SERPINE2: variants seen among roughly 807,000 people sequenced by gnomAD.
SERPINE2 encodes the protein serpin family E member 2, also known as glia-derived nexin.
SERPINE2 carries 14 observed loss-of-function variants against 36.3 expected under a neutral mutation model. The observed-to-expected ratio is 0.39, with a 90% CI of 0.25 to 0.60. SERPINE2 has a LOEUF of 0.60. Among genes scored for constraint, SERPINE2 ranks in the 20% least tolerant of loss-of-function variants. The pLI is 0.57. For synonymous variants in SERPINE2, 192 were observed against 191.8 expected (o/e 1.00, Z -0.01); for missense variants, 418 against 499.6 (o/e 0.84, Z 1.56).
chr2:224,030,810 G>T, intron 1 of SERPINE2: 1 of 254,872 alleles, frequency 3.9e-6, no homozygotes, highest in Non-Finnish European at 6.2e-6. Context: ...ATTCTGCTGA[G>T]TTTTATCCAG....
intron 1 of SERPINE2, among the ~76,000 whole-genome samples, chr2:224,014,662 T>A (rs1459835614): frequency 1.3e-5 from 2 of 152,284 alleles, no homozygotes; most frequent in East Asian, 3.9e-4. Context: ...AGGAAACCCA[T>A]ATCCACCTGA....
chr2:224,001,781 A>C lies in SERPINE2; in HGVS notation c.120T>G (p.Asn40Lys). Residue 40 changes from asparagine (N) to lysine (K), a missense_variant, in exon 2 of 9, where the codon AAT becomes AAG. Asn to Lys is a moderately conservative substitution (Grantham distance 94, BLOSUM62 0). Coordinates refer to ENST00000409304, the MANE Select transcript of SERPINE2 (RefSeq NM_001136528.2). ...CATGAGGCCTCGACTTCACAATCTGATTGAAAACCTGGATCCCCGTGTTGG... is the reference window on the plus strand; with the variant it reads ...CATGAGGCCTCGACTTCACAATCTGCTTGAAAACCTGGATCCCCGTGTTGG... ...LGSNTGIQVF[N>K]QIVKSRPHDN... 1 of 1,614,046 alleles carries C rather than the reference A, an allele frequency of 6.2e-7. No individual in the cohort carries two copies. The highest frequency in any genetic ancestry group is 8.5e-7 in the Non-Finnish European group (1 of 1,180,028).
intron 1 of SERPINE2, among the ~76,000 whole-genome samples, chr2:224,026,486 G>A (rs780174188): frequency 7.9e-5 from 12 of 152,096 alleles, no homozygotes; most frequent in African/African-American, 1.2e-4. Flanking sequence ...AATTTCAGGC[G>A]AATTTGCCTT....
In SERPINE2 at chr2:224,035,379, G is replaced by GTTTTTTGTT. The variant is rs1553552089; in HGVS notation, c.-23+3719_-23+3720insAACAAAAAA. 1.1e-4 allele frequency among the ~76,000 whole-genome samples: 16 copies of GTTTTTTGTT among 150,626 alleles called. No individual in the cohort carries two copies. The East Asian group carries it at 2.7e-3, about 26-fold the overall frequency. Reference sequence around the variant, plus strand: ...AAGCTTCCTATTCCAGGTTTTTTTTGTTTTGTTTTTGTTTTTGTTTTGAGA... The same window carrying GTTTTTTGTT: ...AAGCTTCCTATTCCAGGTTTTTTTTGTTTTTTGTTTTTTGTTTTTGTTTTTGTTTTGAGA... On this transcript the variant is annotated intron_variant, in intron 1 of 8. Coordinates refer to ENST00000409304, the MANE Select transcript of SERPINE2 (RefSeq NM_001136528.2).
At chr2:224,007,420 C>A (rs1035045694) in intron 1 of SERPINE2, among the ~76,000 whole-genome samples, 6 of 152,148 alleles carry the variant, frequency 3.9e-5, no homozygotes, top group Non-Finnish European at 7.4e-5. Context: ...AATACTCCCC[C>A]CCATACTCAA....
At chr2:224,029,471 A>G (rs1692287875) in intron 1 of SERPINE2, among the ~76,000 whole-genome samples, 1 of 152,242 alleles carries the variant, frequency 6.6e-6, no homozygotes. Context: ...ACTCTTTTGC[A>G]TATTGACGGA....
In SERPINE2 at chr2:224,027,431, G is replaced by C. The variant is rs1017355165; in HGVS notation, c.-23+11668C>G. Among the ~76,000 whole-genome samples, 9 of 152,208 alleles carry C rather than the reference G, an allele frequency of 5.9e-5. No individual in the cohort carries two copies. In the East Asian group the frequency reaches 1.7e-3, roughly 29 times the overall value. On this transcript the variant is annotated intron_variant, in intron 1 of 8. Transcript: ENST00000409304. ...GTCCTAACTGAGAGGGAGGGGAGGG[G>C]ACTTCCACGCAGCCTTCCCCAACAG...
intron 1 of SERPINE2, among the ~76,000 whole-genome samples, chr2:224,025,260 G>C (rs1236025835): frequency 1.3e-5 from 2 of 152,180 alleles, no homozygotes; most frequent in African/African-American, 4.8e-5. Context: ...TTCCCTCAGA[G>C]TGCAGGATTG....
chr2:223,990,939 C>A (rs938706052), intron 4 of SERPINE2, among the ~76,000 whole-genome samples: 13 of 152,202 alleles, frequency 8.5e-5, no homozygotes, highest in African/African-American at 3.1e-4. Context: ...GTTTGTGCCA[C>A]TGTAGTCTAG....
chr2:224,036,642 TAAAA>T (rs59322455), intron 1 of SERPINE2, among the ~76,000 whole-genome samples: 2 of 142,680 alleles, frequency 1.4e-5, no homozygotes, highest in South Asian at 2.3e-4. Flanking sequence ...TAATAAAAAT[TAAAA>T]AAAAAAAAAA....
At chr2:224,005,771 C>T (rs1691399308) in intron 1 of SERPINE2, among the ~76,000 whole-genome samples, 1 of 152,074 alleles carries the variant, frequency 6.6e-6, no homozygotes, top group Non-Finnish European at 1.5e-5. Flanking sequence ...GAGTGCTGCC[C>T]AAATGTACTG....
intron 2 of SERPINE2, among the ~76,000 whole-genome samples, chr2:223,998,634 G>A (rs1346445866): frequency 6.6e-6 from 1 of 152,126 alleles, no homozygotes; most frequent in African/African-American, 2.4e-5. Context: ...GAGGATCGCT[G>A]GAGCCTGGGA....
chr2:224,021,876 T>G (rs1307215475), intron 1 of SERPINE2, among the ~76,000 whole-genome samples: 1 of 151,964 alleles, frequency 6.6e-6, no homozygotes, highest in Non-Finnish European at 1.5e-5. Context: ...ATACAAAAAT[T>G]AGGCTGGGCG....
chr2:224,026,419 T>G (rs1038722868), intron 1 of SERPINE2, among the ~76,000 whole-genome samples: 1 of 152,226 alleles, frequency 6.6e-6, no homozygotes, highest in African/African-American at 2.4e-5. Flanking sequence ...TTTTAAAATT[T>G]AACCCCTTTT....
Position 223,983,495 on chromosome 2 carries a change from C to T in SERPINE2, c.885-714G>A, listed in dbSNP as rs184210544. On this transcript the variant is annotated intron_variant, in intron 5 of 8. Coordinates refer to ENST00000409304, the MANE Select transcript of SERPINE2 (RefSeq NM_001136528.2). ...GTCTGGAACTCCTGACCTCGTGATC[C>T]GCCCACCTCGGCCTCCCAAAGTGTT... is the stretch of plus-strand genomic sequence containing the variant. Among the ~76,000 whole-genome samples the T allele has an allele frequency of 1.7e-3, 263 of 152,146 alleles. 3 individuals carry two copies. Among genetic ancestry groups the T allele is most frequent in the Middle Eastern group, 3.4e-3 (1 of 294 alleles).
In SERPINE2 at chr2:224,013,540, G is replaced by T. The variant is rs535133739; in HGVS notation, c.-22-11618C>A. 1.2e-3 allele frequency among the ~76,000 whole-genome samples: 185 copies of T among 152,254 alleles called. 1 individual carries two copies. The highest frequency in any genetic ancestry group is 2.2e-3 in the Non-Finnish European group (152 of 68,012). ...GCTAAGCAGGTAACTGGATAAAATT[G>T]GTTTAGAAAGCTCCCAGGGAGTAAG... On this transcript the variant is annotated intron_variant, in intron 1 of 8. Coordinates refer to ENST00000409304, the MANE Select transcript of SERPINE2 (RefSeq NM_001136528.2).
At chr2:224,016,013 C>A (rs745962546) in intron 1 of SERPINE2, among the ~76,000 whole-genome samples, 3 of 152,226 alleles carry the variant, frequency 2.0e-5, no homozygotes, top group Non-Finnish European at 4.4e-5. Flanking sequence ...ATGGTAAATA[C>A]GTCCATTAAA....
At chr2:224,033,695 T>G (rs1355904848) in intron 1 of SERPINE2, among the ~76,000 whole-genome samples, 1 of 145,988 alleles carries the variant, frequency 6.8e-6, no homozygotes, top group Non-Finnish European at 1.5e-5. Flanking sequence ...AGAGGTCATA[T>G]ATCACCATCA....
chr2:223,977,721 G>A, intron 7 of SERPINE2, 94 bp from the exon 8 acceptor site: 1 of 814,330 alleles, frequency 1.2e-6, no homozygotes, highest in South Asian at 1.4e-5. Context: ...ACCCTCAGAG[G>A]CTGGTGTCTG....
Sources: gnomAD v4.1 joint callset for allele counts (sites outside exome capture counted in the v4.1 genomes callset) on GRCh38, gnomAD v4.1.1 for gene constraint, MANE v1.5 for transcripts, NCBI Gene and HGNC (gene_info 2026-07-23, HGNC 2026-07-21) for gene names.